IMPG2: variants seen among roughly 807,000 people sequenced by gnomAD.
IMPG2 encodes IPM 200.
A neutral mutation model predicts 129.2 loss-of-function variants in IMPG2; 91 were observed. The observed-to-expected ratio is 0.70, with a 90% confidence interval of 0.59 to 0.84. IMPG2 has a LOEUF of 0.84. IMPG2 is among the 40% of genes least tolerant of loss of function. The probability of loss-of-function intolerance (pLI) is 0.00; values close to 1 mark genes in which losing one functional copy is unlikely to be tolerated. For missense variants in IMPG2, 1,430 were observed against 1,461.7 expected (o/e 0.98, Z 0.35); for synonymous variants, 510 against 517.7 (o/e 0.99, Z 0.20).
chr3:101,253,685 T>C lies in IMPG2; in HGVS notation c.1239+11A>G. On this transcript the variant is annotated intron_variant, in intron 11 of 18. Transcript: ENST00000193391. ...GAGGGCCTGGTTCTAGCATAAAACA[T>C]AAAAACATACCAGAATAGATGACGG... 3 of 1,597,052 alleles carry C rather than the reference T, an allele frequency of 1.9e-6. No homozygotes were observed. Among genetic ancestry groups the C allele is most frequent in the South Asian group, 1.1e-5 (1 of 90,166 alleles).
At chr3:101,285,410 C>G (rs948237186) in intron 4 of IMPG2, among the ~76,000 whole-genome samples, 7 of 152,152 alleles carry the variant, frequency 4.6e-5, no homozygotes, top group Non-Finnish European at 7.4e-5. Flanking sequence ...TTCTAGGAAT[C>G]CTATTCTTGA....
intron 2 of IMPG2, among the ~76,000 whole-genome samples, chr3:101,304,934 A>C (rs1707173532): frequency 6.6e-6 from 1 of 152,116 alleles, no homozygotes; most frequent in African/African-American, 2.4e-5. Context: ...ATCAAGTAGA[A>C]GATATCCACC....
At chr3:101,276,489 T>A (rs75338642) in intron 5 of IMPG2, among the ~76,000 whole-genome samples, 175 bp downstream of exon 5, 1 of 152,134 alleles carries the variant, frequency 6.6e-6, no homozygotes, top group Non-Finnish European at 1.5e-5. Flanking sequence ...CACAACATAA[T>A]GCCATAAAAT....
rs1559642265 is a variant in IMPG2, at chr3:101,242,679, A to G, written c.3022+9T>C. 1 of 1,587,758 alleles carries G rather than the reference A, an allele frequency of 6.3e-7. No individual in the cohort carries two copies. The highest frequency in any genetic ancestry group is 8.7e-7 in the Non-Finnish European group (1 of 1,156,062). ...TACTAAGAAACCACCATGCTAGGCAATATCATACCTGATTCCACATCAAGA... is the reference window on the plus strand; with the variant it reads ...TACTAAGAAACCACCATGCTAGGCAGTATCATACCTGATTCCACATCAAGA... On this transcript the variant is annotated intron_variant, in intron 14 of 18. Coordinates refer to ENST00000193391, the MANE Select transcript of IMPG2 (RefSeq NM_016247.4).
chr3:101,293,516 T>C (rs1393771760), intron 3 of IMPG2, among the ~76,000 whole-genome samples: 1 of 152,196 alleles, frequency 6.6e-6, no homozygotes, highest in Non-Finnish European at 1.5e-5. Flanking sequence ...TAGAGTAGAT[T>C]TAGCAAATTT....
chr3:101,240,783 T>G (rs923593043), intron 14 of IMPG2, among the ~76,000 whole-genome samples: 3 of 152,246 alleles, frequency 2.0e-5, no homozygotes, highest in Admixed American at 6.5e-5. Flanking sequence ...TGAAACCATT[T>G]TCTTCACTTT....
intron 11 of IMPG2, among the ~76,000 whole-genome samples, chr3:101,252,454 C>G (rs1706554982): frequency 6.6e-6 from 1 of 152,028 alleles, no homozygotes; most frequent in Non-Finnish European, 1.5e-5. Context: ...GCCACTGGAC[C>G]CTGGATGGAC....
intron 4 of IMPG2, among the ~76,000 whole-genome samples, chr3:101,286,404 G>T (rs1013529919): frequency 6.6e-6 from 1 of 151,998 alleles, no homozygotes; most frequent in African/African-American, 2.4e-5. Context: ...CAGTGAAATG[G>T]CATGCTTCAA....
chr3:101,272,380 C>A (rs1706795236), intron 7 of IMPG2, among the ~76,000 whole-genome samples: 1 of 152,072 alleles, frequency 6.6e-6, no homozygotes, highest in East Asian at 1.9e-4. Flanking sequence ...CAGAGATAGG[C>A]CAGAGAAGGA....
At chr3:101,254,372 A>T (rs1706576605) in intron 10 of IMPG2, among the ~76,000 whole-genome samples, 1 of 152,154 alleles carries the variant, frequency 6.6e-6, no homozygotes, top group African/African-American at 2.4e-5. Flanking sequence ...AATAAAGCCA[A>T]GTTTCTCTTC....
At chr3:101,298,139 T>C (rs1353669798) in intron 3 of IMPG2, among the ~76,000 whole-genome samples, 1 of 152,256 alleles carries the variant, frequency 6.6e-6, no homozygotes, top group Admixed American at 6.5e-5. Flanking sequence ...ATTGGTCCCT[T>C]TACTATTATG....
At position 101,319,648 on chromosome 3, in the gene IMPG2, T is replaced by A. The variant is rs149116305; in HGVS notation, c.270A>T (p.Lys90Asn). 82 of 1,613,624 alleles carry A rather than the reference T, an allele frequency of 5.1e-5. No homozygotes were observed. The highest frequency in any genetic ancestry group is 6.4e-5 in the Non-Finnish European group (75 of 1,179,840). Residue 90 changes from lysine to asparagine, a missense_variant, in exon 2 of 19, where the codon AAA (lysine) becomes AAT (asparagine). By Grantham distance (94) the Lys-to-Asn change is moderately conservative. Transcript: ENST00000193391. ...RRSILFPNGVKICPDESVAEA... is the reference protein window; with the variant it reads ...RRSILFPNGVNICPDESVAEA... Reference sequence around the variant, plus strand: ...CTGCAACACTTTCATCTGGGCAGATTTTCACTCCATTAGGAAACAGAATAG... The same window carrying A: ...CTGCAACACTTTCATCTGGGCAGATATTCACTCCATTAGGAAACAGAATAG...
At chr3:101,282,353 A>C (rs768155778) in intron 4 of IMPG2, among the ~76,000 whole-genome samples, 33 of 152,290 alleles carry the variant, frequency 2.2e-4, no homozygotes, top group Non-Finnish European at 3.4e-4. Context: ...CATCTCCCAC[A>C]GTCGGCAGTC....
chr3:101,262,642 C>T (rs763739002), intron 9 of IMPG2, among the ~76,000 whole-genome samples: 3 of 151,212 alleles, frequency 2.0e-5, no homozygotes, highest in Non-Finnish European at 4.4e-5. Context: ...AAATAAGGAA[C>T]AAAGAATATA....
At chr3:101,300,670 C>T (rs1707131151) in intron 3 of IMPG2, among the ~76,000 whole-genome samples, 1 of 152,254 alleles carries the variant, frequency 6.6e-6, no homozygotes, top group Non-Finnish European at 1.5e-5. Flanking sequence ...CTCCGTGGGT[C>T]ACGCCAGTTG....
In IMPG2 at chr3:101,319,831, T is replaced by C; in HGVS notation, c.87A>G (p.Ala29=). 6.2e-7 allele frequency: 1 copy of C among 1,610,858 alleles called. No homozygotes were observed. The highest frequency in any genetic ancestry group is 8.5e-7 in the Non-Finnish European group (1 of 1,179,396). The stretch of plus-strand genomic sequence containing the variant: ...TCTCCTCTATAGATAAGTAGGTTTG[T>C]GCTACAGAGTGAAAGTATAGTCAAG... The part of the protein sequence containing the change: ...LIEGDFPSLT[A]QTYLSIEEIQ... The change falls in exon 2 of 19, where the codon GCA becomes GCG. Residue 29 remains alanine (A), a splice_region_variant and synonymous_variant. Coordinates refer to ENST00000193391, the MANE Select transcript of IMPG2 (RefSeq NM_016247.4).
chr3:101,256,097 G>GGAAAGAAA (rs542912377), intron 10 of IMPG2, among the ~76,000 whole-genome samples: 2 of 104,628 alleles, frequency 1.9e-5, no homozygotes, highest in Admixed American at 1.0e-4. Context: ...AGAGAAAGAA[G>GGAAAGAAA]GAAAGAAAGA....
At chr3:101,228,924 T>G in intron 17 of IMPG2, 48 bp from the exon 18 acceptor site, 1 of 1,353,832 alleles carries the variant, frequency 7.4e-7, no homozygotes, top group Non-Finnish European at 1.1e-6. Context: ...TAGAAAAACC[T>G]CAACAGCCTT....
intron 3 of IMPG2, among the ~76,000 whole-genome samples, chr3:101,297,560 A>G (rs764885387): frequency 4.0e-5 from 6 of 151,856 alleles, no homozygotes; most frequent in Non-Finnish European, 8.8e-5. Context: ...CCCTCTTAAC[A>G]CTGCTTTAGC....
Sources: allele counts gnomAD v4.1 joint callset (sites outside exome capture counted in the v4.1 genomes callset), GRCh38; gene constraint gnomAD v4.1.1; transcripts MANE v1.5; gene names NCBI Gene and HGNC (gene_info 2026-07-23, HGNC 2026-07-21).